The following CDH13 variants were observed in gnomAD, a reference collection of about 807,000 sequenced individuals.
CDH13 encodes the protein cadherin-13.
In CDH13, 24 loss-of-function variants were observed where a neutral mutation model predicts 63.8. The ratio of observed to expected loss-of-function variants is 0.38; its 90% confidence interval spans 0.27 to 0.53. The LOEUF is 0.53. CDH13 is among the 20% of genes least tolerant of loss of function. CDH13 has a pLI of 0.85. For missense variants in CDH13, 1,049 were observed against 903.1 expected (o/e 1.16, Z -2.07); for synonymous variants, 503 against 355.3 (o/e 1.42, Z -4.67).
chr16:83,211,829 A>G (rs2039347827), intron 4 of CDH13, among the ~76,000 whole-genome samples: 1 of 151,938 alleles, frequency 6.6e-6, no homozygotes, highest in African/African-American at 2.4e-5. Flanking sequence ...TGCTATTTAC[A>G]TGCCCTTCCA....
chr16:83,382,085 C>G (rs1209509465), intron 6 of CDH13, among the ~76,000 whole-genome samples: 1 of 152,152 alleles, frequency 6.6e-6, no homozygotes, highest in Non-Finnish European at 1.5e-5. Context: ...CTACCAGCTA[C>G]TTATTGTGTG....
chr16:83,624,338 G>GCCCCCCC (rs202230797), intron 8 of CDH13, among the ~76,000 whole-genome samples: 2 of 145,134 alleles, frequency 1.4e-5, no homozygotes, highest in Admixed American at 6.9e-5. Context: ...ATGAGATAAC[G>GCCCCCCC]CCCCCACCCC....
chr16:83,095,397 T>G (rs2034143839), intron 3 of CDH13, among the ~76,000 whole-genome samples: 1 of 152,208 alleles, frequency 6.6e-6, no homozygotes, highest in African/African-American at 2.4e-5. Context: ...TTTTATCATC[T>G]TGTGCTGGCA....
At chr16:83,038,482 G>A (rs958533041) in intron 3 of CDH13, among the ~76,000 whole-genome samples, 1 of 152,186 alleles carries the variant, frequency 6.6e-6, no homozygotes, top group African/African-American at 2.4e-5. Flanking sequence ...ATGGAAGATA[G>A]TGAGGTTAAC....
intron 10 of CDH13, among the ~76,000 whole-genome samples, chr16:83,724,867 C>G (rs765031298): frequency 1.8e-4 from 27 of 152,146 alleles, no homozygotes; most frequent in Non-Finnish European, 3.1e-4. Context: ...TTGGGTACAA[C>G]TCTATATGGC....
At chr16:83,305,199 G>A (rs2089846202) in intron 5 of CDH13, among the ~76,000 whole-genome samples, 1 of 152,164 alleles carries the variant, frequency 6.6e-6, no homozygotes. Flanking sequence ...TGACTCATTT[G>A]TAGGCATCCT....
chr16:83,750,226 G>T (rs577615170), intron 11 of CDH13, among the ~76,000 whole-genome samples: 1 of 152,220 alleles, frequency 6.6e-6, no homozygotes, highest in East Asian at 1.9e-4. Flanking sequence ...AACCTAGGAG[G>T]CAGAGGTTGC....
At chr16:83,571,062 C>T (rs1454799779) in intron 7 of CDH13, among the ~76,000 whole-genome samples, 1 of 150,502 alleles carries the variant, frequency 6.6e-6, no homozygotes, top group African/African-American at 2.4e-5. Flanking sequence ...GAGGGAACCA[C>T]ACTCACCAAA....
chr16:82,858,214 C>A (rs1243704766), intron 1 of CDH13, 148 bp from the exon 2 acceptor site: 2 of 594,108 alleles, frequency 3.4e-6, no homozygotes, highest in Non-Finnish European at 6.0e-6. Context: ...GAATTGTTGG[C>A]AGCCACTGGA....
chr16:83,214,328 C>T (rs1316770895), intron 4 of CDH13, among the ~76,000 whole-genome samples: 5 of 151,918 alleles, frequency 3.3e-5, no homozygotes, highest in Admixed American at 1.3e-4. Flanking sequence ...ACCTGTAATC[C>T]CAGCACTTTG....
Position 83,390,621 on chromosome 16 carries a change from C to T in CDH13, c.781+45615C>T, listed in dbSNP as rs75355133. Among the ~76,000 whole-genome samples, 56 of 152,160 alleles carry T rather than the reference C, an allele frequency of 3.7e-4. No homozygotes were observed. In the East Asian group the frequency reaches 0.01, roughly 28 times the overall value. Reference sequence around the variant, plus strand: ...AGAATATGCCTCCAAGCCAGGAGTCCTGCTGATCCCACTGTCTCCCCACCC... The same window carrying T: ...AGAATATGCCTCCAAGCCAGGAGTCTTGCTGATCCCACTGTCTCCCCACCC... On this transcript the variant is annotated intron_variant, in intron 6 of 13. Coordinates refer to ENST00000567109, the MANE Select transcript of CDH13 (RefSeq NM_001257.5).
At chr16:83,409,259 T>C (rs1310465486) in intron 6 of CDH13, among the ~76,000 whole-genome samples, 1 of 151,084 alleles carries the variant, frequency 6.6e-6, no homozygotes, top group Non-Finnish European at 1.5e-5. Context: ...AGCTGGGGAG[T>C]GGATATGCCA....
At chr16:83,425,753 C>A (rs1036666293) in intron 6 of CDH13, among the ~76,000 whole-genome samples, 4 of 152,078 alleles carry the variant, frequency 2.6e-5, no homozygotes, top group African/African-American at 9.7e-5. Context: ...TTCCTTCTTT[C>A]TTTCTCTTTT....
At chr16:82,904,809 C>T (rs2041588998) in intron 2 of CDH13, among the ~76,000 whole-genome samples, 1 of 152,200 alleles carries the variant, frequency 6.6e-6, no homozygotes, top group African/African-American at 2.4e-5. Context: ...CAGACCATTA[C>T]TCCATGTGGG....
intron 6 of CDH13, among the ~76,000 whole-genome samples, chr16:83,374,111 A>G (rs1319975749): frequency 6.6e-6 from 1 of 152,158 alleles, no homozygotes; most frequent in Non-Finnish European, 1.5e-5. Flanking sequence ...AAACTTTCTT[A>G]TATGTTCTTG....
At chr16:83,018,007 T>C (rs1914970169) in intron 2 of CDH13, among the ~76,000 whole-genome samples, 1 of 152,218 alleles carries the variant, frequency 6.6e-6, no homozygotes, top group South Asian at 2.1e-4. Flanking sequence ...GAAAAAACTC[T>C]CTTCTTTTTC....
intron 1 of CDH13, among the ~76,000 whole-genome samples, chr16:82,807,332 G>T (rs1013585688): frequency 6.6e-6 from 1 of 152,114 alleles, no homozygotes; most frequent in African/African-American, 2.4e-5. Flanking sequence ...CCAGGCAAAA[G>T]AAAATAGGGT....
At chr16:83,206,795 A>G (rs779926040) in intron 4 of CDH13, among the ~76,000 whole-genome samples, 3 of 152,142 alleles carry the variant, frequency 2.0e-5, no homozygotes, top group Non-Finnish European at 4.4e-5. Flanking sequence ...GGGACCCATT[A>G]TTTTCTCCAA....
At chr16:83,361,786 G>C (rs2151386485) in intron 6 of CDH13, among the ~76,000 whole-genome samples, 1 of 152,194 alleles carries the variant, frequency 6.6e-6, no homozygotes, top group South Asian at 2.1e-4. Flanking sequence ...ATTAGTCTAT[G>C]TGTCTATTTA....
Sources: allele counts gnomAD v4.1 joint callset (sites outside exome capture counted in the v4.1 genomes callset), GRCh38; gene constraint gnomAD v4.1.1; transcripts MANE v1.5; gene names NCBI Gene and HGNC (gene_info 2026-07-23, HGNC 2026-07-21).